ATXN2: variants seen among roughly 807,000 people sequenced by gnomAD.
The protein encoded by ATXN2 is ataxin 2, also known as ataxin-2.
Under a neutral mutation model 138.6 loss-of-function variants are expected in ATXN2, and 37 were observed. That is an observed-to-expected ratio of 0.27 (90% CI 0.21 to 0.35). The LOEUF (loss-of-function observed/expected upper bound fraction) is 0.35. Ranked by LOEUF, ATXN2 falls within the 10% of genes least tolerant of loss-of-function variation. The probability of loss-of-function intolerance (pLI) is 1.00; values close to 1 mark genes in which losing one functional copy is unlikely to be tolerated. For missense variants in ATXN2, 1,216 were observed against 1,480.3 expected (o/e 0.82, Z 2.93); for synonymous variants, 549 against 543.7 (o/e 1.01, Z -0.13).
intron 14 of ATXN2, among the ~76,000 whole-genome samples, chr12:111,492,638 T>C (rs949366972): frequency 2.0e-5 from 3 of 150,664 alleles, no homozygotes; most frequent in Admixed American, 6.6e-5. Flanking sequence ...GCAAAGACTG[T>C]GCCACTGCAC....
chr12:111,475,087 G>A (rs958339711), intron 18 of ATXN2, among the ~76,000 whole-genome samples: 4 of 152,048 alleles, frequency 2.6e-5, no homozygotes, highest in East Asian at 1.9e-4. Flanking sequence ...GGTGGCGGGC[G>A]AATGTAGTCC....
chr12:111,583,291 A>G (rs1884118024), intron 1 of ATXN2, among the ~76,000 whole-genome samples: 1 of 152,242 alleles, frequency 6.6e-6, no homozygotes, highest in African/African-American at 2.4e-5. Flanking sequence ...GCGCCCAGCC[A>G]AGGAAGATAT....
At chr12:111,523,271 C>CA (rs1347321251) in intron 6 of ATXN2, among the ~76,000 whole-genome samples, 1 of 151,906 alleles carries the variant, frequency 6.6e-6, no homozygotes, top group Non-Finnish European at 1.5e-5. Flanking sequence ...CAGTGTTCTG[C>CA]AATGTGCTTT....
chr12:111,579,854 C>T (rs945800402), intron 1 of ATXN2, among the ~76,000 whole-genome samples: 1 of 151,898 alleles, frequency 6.6e-6, no homozygotes, highest in Non-Finnish European at 1.5e-5. Context: ...AGCGCGCCAC[C>T]GTGCCTGGCT....
chr12:111,486,432 T>C (rs1409812810), intron 16 of ATXN2, among the ~76,000 whole-genome samples: 1 of 152,216 alleles, frequency 6.6e-6, no homozygotes, highest in Non-Finnish European at 1.5e-5. Flanking sequence ...AACTATGTTT[T>C]TGATCCATGG....
At chr12:111,547,512 G>A (rs1342507816) in intron 5 of ATXN2, among the ~76,000 whole-genome samples, 2 of 151,958 alleles carry the variant, frequency 1.3e-5, no homozygotes, top group Non-Finnish European at 2.9e-5. Flanking sequence ...GATCACCTGA[G>A]GTCAGGAGTT....
At chr12:111,572,026 AGG>A (rs57081594) in intron 1 of ATXN2, among the ~76,000 whole-genome samples, 6 of 148,878 alleles carry the variant, frequency 4.0e-5, no homozygotes, top group African/African-American at 1.2e-4. Context: ...AAAAAAAAAA[AGG>A]GGCTTTTAAA....
chr12:111,521,246 TTC>T (rs1165749700), intron 6 of ATXN2, among the ~76,000 whole-genome samples: 2 of 152,194 alleles, frequency 1.3e-5, no homozygotes, highest in African/African-American at 4.8e-5. Context: ...CAGATCAGGG[TTC>T]TCTCTTTTCT....
At chr12:111,543,966 T>C (rs1881671633) in intron 5 of ATXN2, among the ~76,000 whole-genome samples, 1 of 152,072 alleles carries the variant, frequency 6.6e-6, no homozygotes, top group Non-Finnish European at 1.5e-5. Context: ...TAGCCCCAGC[T>C]ACTTGGGAGG....
intron 1 of ATXN2, among the ~76,000 whole-genome samples, chr12:111,579,823 C>A (rs573214694): frequency 2.0e-5 from 3 of 151,780 alleles, no homozygotes; most frequent in African/African-American, 7.3e-5. Context: ...CTCAGCCCCC[C>A]CGAGTAGCTG....
Position 111,552,199 on chromosome 12 carries a change from A to C in ATXN2, c.571+81T>G, listed in dbSNP as rs1882159746. On this transcript the variant is annotated intron_variant, in intron 5 of 24. Coordinates refer to ENST00000673436, the MANE Select transcript of ATXN2 (RefSeq NM_001372574.1). The surrounding 1 kb of genome is among the most constrained non-coding windows in gnomAD (Gnocchi z 4.1). ...CCCAGCCCAGATATTTCTTTAAAAA[A>C]AGTTTGTAAGATCACTGTGAAAATC... 1 of 1,428,386 alleles carries C rather than the reference A, an allele frequency of 7.0e-7. No homozygotes were observed. Among genetic ancestry groups the C allele is most frequent in the African/African-American group, 1.5e-5 (1 of 67,806 alleles). 88.5% of individuals were successfully genotyped at this position (1,428,386 alleles called of 1,614,324 possible).
In ATXN2 at chr12:111,463,669, A is replaced by T. The variant is rs772634501; in HGVS notation, c.2896+993T>A. Reference sequence around the variant, plus strand: ...TCTGCCCAGACTTTCTCCATGAAGGAGCAACTATTTCTGTACTTTTTGCCA... The same window carrying T: ...TCTGCCCAGACTTTCTCCATGAAGGTGCAACTATTTCTGTACTTTTTGCCA... On this transcript the variant is annotated intron_variant, in intron 21 of 24. Coordinates refer to ENST00000673436, the MANE Select transcript of ATXN2 (RefSeq NM_001372574.1). Among the ~76,000 whole-genome samples the T allele has an allele frequency of 3.9e-5, 6 of 152,308 alleles. No homozygotes were observed. In the East Asian group the frequency reaches 7.7e-4, roughly 20 times the overall value.
intron 1 of ATXN2, among the ~76,000 whole-genome samples, chr12:111,584,643 A>G (rs1349946588): frequency 1.3e-5 from 2 of 152,052 alleles, no homozygotes; most frequent in Non-Finnish European, 2.9e-5. Context: ...TATCCTGGCC[A>G]ACATGGTGAA....
intron 1 of ATXN2, among the ~76,000 whole-genome samples, chr12:111,588,555 G>C (rs1884460467): frequency 6.6e-6 from 1 of 151,646 alleles, no homozygotes; most frequent in Non-Finnish European, 1.5e-5. Flanking sequence ...CTGGGAGGCA[G>C]AGGTTGCAAT....
chr12:111,470,001 C>A (rs989990442), intron 20 of ATXN2, 107 bp downstream of exon 20: 1 of 1,296,998 alleles, frequency 7.7e-7, no homozygotes, highest in Non-Finnish European at 1.0e-6. Flanking sequence ...GATTCTTGAC[C>A]CTCAATGTCA....
chr12:111,576,085 AATAACATAACATAACATAAC>A lies in ATXN2; in HGVS notation c.252-20186_252-20167del, dbSNP rs373436951. Reference sequence around the variant, plus strand: ...CGACAAGAGACAAACTCTGTCTTAAAATAACATAACATAACATAACATAACATAACATAACATAACATAAC... The same window carrying A: ...CGACAAGAGACAAACTCTGTCTTAAAATAACATAACATAACATAACATAAC... On this transcript the variant is annotated intron_variant, in intron 1 of 24. Transcript: ENST00000673436. Among the ~76,000 whole-genome samples the A allele has an allele frequency of 4.9e-5, 6 of 123,454 alleles. No homozygotes were observed. The East Asian group carries it at 1.0e-3, about 21-fold the overall frequency. 81.0% of individuals were successfully genotyped at this position (123,454 alleles called of 152,430 possible). A position where few individuals can be genotyped will look rare whatever the true frequency, so the allele number is the denominator to read the frequency against.
At chr12:111,587,178 T>A (rs1183996462) in intron 1 of ATXN2, among the ~76,000 whole-genome samples, 1 of 151,244 alleles carries the variant, frequency 6.6e-6, no homozygotes, top group African/African-American at 2.4e-5. Flanking sequence ...GTTTCAGGAA[T>A]GAAAATAGTT....
chr12:111,535,999 C>CAA (rs766582583), intron 5 of ATXN2, among the ~76,000 whole-genome samples: 736 of 65,652 alleles, frequency 0.011, 20 homozygotes, highest in African/African-American at 0.027. Flanking sequence ...GACTCCGTCT[C>CAA]AAAAAAAAAA....
Position 111,568,138 on chromosome 12 carries a change from G to A in ATXN2, c.252-12219C>T, listed in dbSNP as rs1030564433. 2.0e-5 allele frequency among the ~76,000 whole-genome samples: 3 copies of A among 152,088 alleles called. No homozygotes were observed. In the East Asian group the frequency reaches 5.8e-4, roughly 30 times the overall value. ...TAGCCGGGCGTGGTGGCACATGCCT[G>A]TAATCCCAGCTACTCAGGAGGCTGA... On this transcript the variant is annotated intron_variant, in intron 1 of 24. Coordinates refer to ENST00000673436, the MANE Select transcript of ATXN2 (RefSeq NM_001372574.1).
Sources: gnomAD v4.1 joint callset for allele counts (sites outside exome capture counted in the v4.1 genomes callset) on GRCh38, gnomAD v4.1.1 for gene constraint, Gnocchi (gnomAD v3.1) non-coding constraint, MANE v1.5 for transcripts, NCBI Gene and HGNC (gene_info 2026-07-23, HGNC 2026-07-21) for gene names.